STX18: variants seen among roughly 807,000 people sequenced by gnomAD.
STX18 encodes syntaxin 18.
A neutral mutation model predicts 50.1 loss-of-function variants in STX18; 40 were observed. The ratio of observed to expected loss-of-function variants is 0.80; its 90% CI spans 0.62 to 1.04. STX18 has a LOEUF of 1.04. STX18 is among the 50% of genes least tolerant of loss of function. STX18 has a pLI of 0.00. For missense variants in STX18, 410 were observed against 415.8 expected (o/e 0.99, Z 0.12); for synonymous variants, 158 against 151.8 (o/e 1.04, Z -0.30).
chr4:4,472,786 A>C (rs1727986898), intron 1 of STX18, among the ~76,000 whole-genome samples: 1 of 152,224 alleles, frequency 6.6e-6, no homozygotes, highest in Non-Finnish European at 1.5e-5. Context: ...ACACTGTGGA[A>C]TGAGTATATG....
intron 2 of STX18, 141 bp from the exon 3 acceptor site, chr4:4,459,628 T>G (rs971847586): frequency 7.6e-6 from 5 of 660,398 alleles, no homozygotes; most frequent in African/African-American, 7.2e-5. Flanking sequence ...ACAGGCCAGG[T>G]GAAAAGGTGA....
At chr4:4,531,593 CT>C (rs1468537286) in intron 1 of STX18, among the ~76,000 whole-genome samples, 2 of 152,224 alleles carry the variant, frequency 1.3e-5, no homozygotes, top group African/African-American at 4.8e-5. Flanking sequence ...GAAGCCCCCA[CT>C]GGCCTTGTTA....
chr4:4,508,916 G>C lies in STX18; in HGVS notation c.168+32881C>G, dbSNP rs550324579. Among the ~76,000 whole-genome samples the C allele has an allele frequency of 5.8e-4, 88 of 152,302 alleles. No individual in the cohort carries two copies. In the South Asian group the frequency reaches 0.016, roughly 28 times the overall value. ...TCGTGTTCCTTTTTATGGCTGCATA[G>C]TATTTCATGGTGTATATGTACTGCA... On this transcript the variant is annotated intron_variant, in intron 1 of 10. Coordinates refer to ENST00000306200, the MANE Select transcript of STX18 (RefSeq NM_016930.4).
intron 1 of STX18, among the ~76,000 whole-genome samples, chr4:4,508,638 C>A (rs750894150): frequency 5.9e-5 from 9 of 152,134 alleles, no homozygotes; most frequent in Non-Finnish European, 1.2e-4. Context: ...TGGTTTGCTG[C>A]ACAGATCATC....
rs1379803522 is a variant in STX18, at chr4:4,538,213, G to C, written c.168+3584C>G. 2.0e-5 allele frequency among the ~76,000 whole-genome samples: 3 copies of C among 152,074 alleles called. 1 individual carries two copies. Among genetic ancestry groups the C allele is most frequent in the African/African-American group, 7.2e-5 (3 of 41,414 alleles). On this transcript the variant is annotated intron_variant, in intron 1 of 10. Coordinates refer to ENST00000306200, the MANE Select transcript of STX18 (RefSeq NM_016930.4). Reference sequence around the variant, plus strand: ...ACTTGAATGTCAAGCCTAATAACAGGTAACGGCTCCTGGGGTACAATGTTG... The same window carrying C: ...ACTTGAATGTCAAGCCTAATAACAGCTAACGGCTCCTGGGGTACAATGTTG...
At chr4:4,423,401 C>T (rs1725068052) in intron 9 of STX18, 117 bp downstream of exon 9, 6 of 972,804 alleles carry the variant, frequency 6.2e-6, no homozygotes, top group Non-Finnish European at 3.2e-6. Flanking sequence ...CTGCTAGCAA[C>T]ACATGGCTCT....
rs181443246 is a variant in STX18 at position 4,497,394 on chromosome 4, T to C, written c.169-25688A>G. ...TCACTGACTGATCAGGCCCTGGAACTAGAACATGTTACTTTATTACAACAT... is the reference window on the plus strand; with the variant it reads ...TCACTGACTGATCAGGCCCTGGAACCAGAACATGTTACTTTATTACAACAT... On this transcript the variant is annotated intron_variant, in intron 1 of 10. Coordinates refer to ENST00000306200, the MANE Select transcript of STX18 (RefSeq NM_016930.4). Among the ~76,000 whole-genome samples the C allele has an allele frequency of 6.0e-4, 91 of 152,306 alleles. 1 individual carries two copies. The highest frequency in any genetic ancestry group is 2.0e-3 in the African/African-American group (84 of 41,574).
At chr4:4,450,492 C>T (rs189475956) in intron 5 of STX18, among the ~76,000 whole-genome samples, 38 of 152,234 alleles carry the variant, frequency 2.5e-4, no homozygotes, top group African/African-American at 8.4e-4. Flanking sequence ...TTAGTAGAGA[C>T]GGGGTTTTGC....
chr4:4,451,954 G>A (rs759149142), intron 5 of STX18, among the ~76,000 whole-genome samples: 8 of 152,196 alleles, frequency 5.3e-5, no homozygotes, highest in Non-Finnish European at 1.0e-4. Flanking sequence ...CTCTTGTGCC[G>A]AAGAGTTAGC....
chr4:4,474,362 A>T (rs1728070132), intron 1 of STX18, among the ~76,000 whole-genome samples: 1 of 152,152 alleles, frequency 6.6e-6, no homozygotes, highest in African/African-American at 2.4e-5. Flanking sequence ...GCAGACCCTC[A>T]GAAACTTTTA....
chr4:4,422,569 CAAAAAAAAAAAAAAGA>C (rs1338203625), intron 9 of STX18, among the ~76,000 whole-genome samples: 5 of 107,652 alleles, frequency 4.6e-5, no homozygotes, highest in Non-Finnish European at 1.0e-4. Flanking sequence ...ACTCTGTCTC[CAAAAAAAAAAAAAAGA>C]AAAAGAAAAA....
chr4:4,528,918 G>A (rs1392853727), intron 1 of STX18, among the ~76,000 whole-genome samples: 1 of 152,120 alleles, frequency 6.6e-6, no homozygotes, highest in Non-Finnish European at 1.5e-5. Flanking sequence ...TCAAAAACTG[G>A]TATCCCAACA....
At chr4:4,440,843 G>A (rs1299205746) in intron 5 of STX18, among the ~76,000 whole-genome samples, 1 of 152,180 alleles carries the variant, frequency 6.6e-6, no homozygotes, top group Non-Finnish European at 1.5e-5. Context: ...CCTTGAAACA[G>A]TGAGATTTAT....
At chr4:4,534,451 T>A (rs1180589333) in intron 1 of STX18, among the ~76,000 whole-genome samples, 1 of 152,226 alleles carries the variant, frequency 6.6e-6, no homozygotes, top group Non-Finnish European at 1.5e-5. Flanking sequence ...AGTTACTAAG[T>A]TTTACTAAGT....
intron 1 of STX18, among the ~76,000 whole-genome samples, chr4:4,494,926 T>C (rs187198510): frequency 5.3e-5 from 8 of 152,306 alleles, no homozygotes; most frequent in Non-Finnish European, 2.9e-5. Context: ...GAAGATCTGA[T>C]TGGTCTCATG....
intron 1 of STX18, among the ~76,000 whole-genome samples, chr4:4,480,951 A>G (rs1728430443): frequency 6.6e-6 from 1 of 152,214 alleles, no homozygotes; most frequent in South Asian, 2.1e-4. Context: ...AGATGAGTTG[A>G]GTCCAGGAAT....
intron 5 of STX18, among the ~76,000 whole-genome samples, chr4:4,454,437 A>G (rs1285636986): frequency 1.3e-5 from 2 of 152,204 alleles, no homozygotes; most frequent in African/African-American, 2.4e-5. Context: ...ATCTCTTCTT[A>G]CTTTACTTGG....
intron 1 of STX18, among the ~76,000 whole-genome samples, chr4:4,502,642 A>G (rs1029208734): frequency 1.3e-5 from 2 of 152,206 alleles, no homozygotes; most frequent in Admixed American, 1.3e-4. Context: ...AAAAAAAAAT[A>G]CACAGCTCTT....
intron 1 of STX18, chr4:4,507,258 A>G (rs1447524980): frequency 1.5e-6 from 1 of 689,594 alleles, no homozygotes; most frequent in East Asian, 2.9e-5. Context: ...TGTACTATAA[A>G]GAGTCCGGCA....
Sources: allele counts gnomAD v4.1 joint callset (sites outside exome capture counted in the v4.1 genomes callset), GRCh38; gene constraint gnomAD v4.1.1; transcripts MANE v1.5; gene names NCBI Gene and HGNC (gene_info 2026-07-23, HGNC 2026-07-21).